The following EPHA5 variants were observed in gnomAD, a reference collection of about 807,000 sequenced individuals.
The protein encoded by EPHA5 is EPH receptor A5.
EPHA5 carries 60 observed loss-of-function variants against 105.0 expected under a neutral mutation model. The observed-to-expected ratio is 0.57, with a 90% CI of 0.46 to 0.71. The LOEUF (loss-of-function observed/expected upper bound fraction) is 0.71, where lower values mean the gene tolerates loss of function less well. EPHA5 is among the 30% of genes least tolerant of loss of function. EPHA5 has a pLI of 0.00. For synonymous variants in EPHA5, 513 were observed against 449.1 expected (o/e 1.14, Z -1.80); for missense variants, 1,218 against 1,274.7 (o/e 0.96, Z 0.68).
intron 8 of EPHA5, among the ~76,000 whole-genome samples, chr4:65,402,884 A>G (rs1721985280): frequency 6.6e-6 from 1 of 152,134 alleles, no homozygotes; most frequent in Admixed American, 6.6e-5. Context: ...AAATCAGCTT[A>G]TCTTCCAGAA....
At chr4:65,583,057 T>C (rs1006096547) in intron 3 of EPHA5, among the ~76,000 whole-genome samples, 1 of 151,688 alleles carries the variant, frequency 6.6e-6, no homozygotes, top group Admixed American at 6.6e-5. Context: ...TATGTATTCT[T>C]ACTTGCAAGT....
At chr4:65,455,835 A>T (rs946694728) in intron 5 of EPHA5, among the ~76,000 whole-genome samples, 1 of 152,192 alleles carries the variant, frequency 6.6e-6, no homozygotes, top group African/African-American at 2.4e-5. Context: ...TGCCCTGAAC[A>T]CATAGGATCG....
intron 5 of EPHA5, among the ~76,000 whole-genome samples, chr4:65,442,630 TG>T (rs1726129936): frequency 6.6e-6 from 1 of 152,208 alleles, no homozygotes; most frequent in African/African-American, 2.4e-5. Context: ...CACACACTCA[TG>T]CATCCACACA....
rs1473568076 is a variant in EPHA5 at position 65,593,343 on chromosome 4, A to G, written c.910+8298T>C. 2.6e-5 allele frequency among the ~76,000 whole-genome samples: 4 copies of G among 152,306 alleles called. No homozygotes were observed. In the South Asian group the frequency reaches 6.2e-4, roughly 24 times the overall value. On this transcript the variant is annotated intron_variant, in intron 3 of 16. Coordinates refer to ENST00000613740, the MANE Select transcript of EPHA5 (RefSeq NM_001281766.3). Reference sequence around the variant, plus strand: ...TTTTACATACATACAAGGGATTAAGATAAATAAATTACTGTTCTTGACCTT... The same window carrying G: ...TTTTACATACATACAAGGGATTAAGGTAAATAAATTACTGTTCTTGACCTT...
intron 1 of EPHA5, among the ~76,000 whole-genome samples, chr4:65,651,307 G>A (rs1337194772): frequency 1.3e-5 from 2 of 152,250 alleles, no homozygotes; most frequent in East Asian, 3.9e-4. Context: ...CTCAGGAATT[G>A]CTTTTATGTG....
At chr4:65,633,730 T>C (rs1221172704) in intron 2 of EPHA5, among the ~76,000 whole-genome samples, 2 of 152,076 alleles carry the variant, frequency 1.3e-5, no homozygotes, top group African/African-American at 4.8e-5. Context: ...AATATGCATC[T>C]GGTACAAGTC....
chr4:65,661,077 G>C (rs1448317146), intron 1 of EPHA5, among the ~76,000 whole-genome samples: 2 of 152,060 alleles, frequency 1.3e-5, no homozygotes, highest in Non-Finnish European at 2.9e-5. Context: ...GTTTTCCATA[G>C]CAATTATATG....
intron 13 of EPHA5, among the ~76,000 whole-genome samples, chr4:65,350,051 C>A (rs959348990): frequency 6.6e-5 from 10 of 152,100 alleles, no homozygotes; most frequent in Admixed American, 2.0e-4. Context: ...TGTAGCATAA[C>A]ACACTAACAC....
intron 3 of EPHA5, among the ~76,000 whole-genome samples, chr4:65,533,665 T>A (rs1736028533): frequency 6.6e-6 from 1 of 152,218 alleles, no homozygotes; most frequent in Non-Finnish European, 1.5e-5. Flanking sequence ...CCGGGCACAG[T>A]GGCTCACGCC....
intron 7 of EPHA5, among the ~76,000 whole-genome samples, chr4:65,406,629 T>C (rs1241637271): frequency 1.3e-5 from 2 of 152,176 alleles, no homozygotes; most frequent in African/African-American, 2.4e-5. Flanking sequence ...TCCCTCTTTC[T>C]GATACTTCTT....
At chr4:65,425,959 T>C (rs1289355086) in intron 5 of EPHA5, among the ~76,000 whole-genome samples, 2 of 152,168 alleles carry the variant, frequency 1.3e-5, no homozygotes, top group African/African-American at 4.8e-5. Context: ...GTCCTTAGAA[T>C]ATTTTTCTGA....
chr4:65,609,610 A>T (rs1425628693), intron 2 of EPHA5, among the ~76,000 whole-genome samples: 5 of 148,684 alleles, frequency 3.4e-5, no homozygotes, highest in East Asian at 4.0e-4. Context: ...CAAGCTAGAT[A>T]TTTTTTTTTC....
chr4:65,353,633 G>T lies in EPHA5; in HGVS notation c.2174-530C>A, dbSNP rs572974023. Among the ~76,000 whole-genome samples the T allele has an allele frequency of 1.5e-3, 229 of 151,474 alleles. 1 individual carries two copies. Among genetic ancestry groups the T allele is most frequent in the Non-Finnish European group, 2.3e-3 (156 of 67,764 alleles). ...ATTTTAATAGAAATAATGATATAAT[G>T]TATCCAATAATATTCAGCGAAACAC... is the stretch of plus-strand genomic sequence containing the variant. On this transcript the variant is annotated intron_variant, in intron 11 of 16. Coordinates refer to ENST00000613740, the MANE Select transcript of EPHA5 (RefSeq NM_001281766.3).
chr4:65,640,095 T>C (rs1346434154), intron 2 of EPHA5, among the ~76,000 whole-genome samples: 1 of 152,102 alleles, frequency 6.6e-6, no homozygotes, highest in African/African-American at 2.4e-5. Flanking sequence ...GCATTTCTCA[T>C]AGTTTTTTGT....
chr4:65,549,586 C>T (rs1426851254), intron 3 of EPHA5, among the ~76,000 whole-genome samples: 1 of 151,986 alleles, frequency 6.6e-6, no homozygotes, highest in African/African-American at 2.4e-5. Context: ...TAACAAATAA[C>T]ATTTTTAATA....
intron 2 of EPHA5, among the ~76,000 whole-genome samples, chr4:65,618,835 G>A (rs1469625397): frequency 6.6e-6 from 1 of 152,188 alleles, no homozygotes; most frequent in Non-Finnish European, 1.5e-5. Flanking sequence ...CATCAGAGAA[G>A]TCAGTTACAG....
intron 1 of EPHA5, among the ~76,000 whole-genome samples, chr4:65,661,231 A>T (rs1387802600): frequency 6.6e-6 from 1 of 152,120 alleles, no homozygotes; most frequent in African/African-American, 2.4e-5. Context: ...TTTTAATTCA[A>T]AACAGATTTT....
intron 5 of EPHA5, among the ~76,000 whole-genome samples, chr4:65,476,322 T>G (rs1729815813): frequency 6.6e-6 from 1 of 152,074 alleles, no homozygotes; most frequent in Non-Finnish European, 1.5e-5. Context: ...TACACAAAAT[T>G]TATCTCTAGA....
rs542678636 is a variant in EPHA5, at chr4:65,482,541, A to G, written c.1402+7836T>C. On this transcript the variant is annotated intron_variant, in intron 5 of 16. Coordinates refer to ENST00000613740, the MANE Select transcript of EPHA5 (RefSeq NM_001281766.3). ...AATGGGGGTGGACACGGATCTCATA[A>G]TAGGTAGCAGGATATGAATGGTAAA... Among the ~76,000 whole-genome samples, 4 of 152,234 alleles carry G rather than the reference A, an allele frequency of 2.6e-5. No homozygotes were observed. In the East Asian group the frequency reaches 7.7e-4, roughly 29 times the overall value.
Sources: allele counts gnomAD v4.1 joint callset (sites outside exome capture counted in the v4.1 genomes callset), GRCh38; gene constraint gnomAD v4.1.1; transcripts MANE v1.5; gene names NCBI Gene and HGNC (gene_info 2026-07-23, HGNC 2026-07-21).